The following CLNK variants were observed in gnomAD, a reference collection of about 807,000 sequenced individuals.
CLNK encodes the protein cytokine-dependent hematopoietic cell linker.
Under a neutral mutation model 68.6 loss-of-function variants are expected in CLNK, and 74 were observed. That is an observed-to-expected ratio of 1.08 (90% confidence interval 0.89 to 1.31). CLNK has a LOEUF of 1.31. CLNK is among the 50% of genes most tolerant of loss of function. The pLI is 0.00. For missense variants in CLNK, 553 were observed against 515.3 expected, an observed-to-expected ratio of 1.07 and a Z score of -0.71; for synonymous variants, 198 against 172.2, an observed-to-expected ratio of 1.15 and a Z score of -1.17.
chr4:10,641,003 A>G (rs905297625), intron 2 of CLNK, among the ~76,000 whole-genome samples: 1 of 152,230 alleles, frequency 6.6e-6, no homozygotes, highest in Non-Finnish European at 1.5e-5. Flanking sequence ...ACCGCTGAGC[A>G]TGTCAGGGCT....
intron 16 of CLNK, among the ~76,000 whole-genome samples, chr4:10,509,039 G>A (rs966602021): frequency 1.1e-4 from 17 of 150,944 alleles, no homozygotes; most frequent in South Asian, 2.1e-4. Flanking sequence ...CCTGGGAGGC[G>A]GCGGTTGCAG....
At chr4:10,539,696 T>C (rs946929230) in intron 11 of CLNK, among the ~76,000 whole-genome samples, 2 of 152,232 alleles carry the variant, frequency 1.3e-5, no homozygotes, top group Non-Finnish European at 2.9e-5. Flanking sequence ...CCATCATCAG[T>C]ACTTAATATC....
intron 2 of CLNK, among the ~76,000 whole-genome samples, chr4:10,640,365 C>A (rs1723264612): frequency 6.6e-6 from 1 of 152,156 alleles, no homozygotes; most frequent in Middle Eastern, 3.2e-3. Flanking sequence ...GGGGTTTCGC[C>A]ATTTTGGCCA....
the CLNK span, among the ~76,000 whole-genome samples, chr4:10,712,869 G>A: frequency 4.6e-5 from 7 of 152,310 alleles, 1 homozygote; most frequent in African/African-American, 1.7e-4. Context: ...CCATACCAAG[G>A]AAAGAGGTGA....
chr4:10,710,171 C>T, the CLNK span, among the ~76,000 whole-genome samples: 1 of 152,054 alleles, frequency 6.6e-6, no homozygotes, highest in Admixed American at 6.5e-5. Flanking sequence ...CCAGGTTGCC[C>T]TCTCTGTGGG....
chr4:10,544,229 G>A (rs12508896), intron 8 of CLNK, among the ~76,000 whole-genome samples: 114,190 of 152,058 alleles, frequency 0.75, 43,108 homozygotes, highest in African/African-American at 0.78. Flanking sequence ...AATTCCCTTT[G>A]TGGTTTTCAA....
At chr4:10,636,623 G>T (rs1723101958) in intron 2 of CLNK, among the ~76,000 whole-genome samples, 1 of 152,168 alleles carries the variant, frequency 6.6e-6, no homozygotes, top group Non-Finnish European at 1.5e-5. Context: ...GAGGAGGGAA[G>T]GAGGGTGTAG....
intron 14 of CLNK, among the ~76,000 whole-genome samples, chr4:10,524,254 G>A (rs1357977409): frequency 6.6e-6 from 1 of 152,132 alleles, no homozygotes; most frequent in African/African-American, 2.4e-5. Context: ...TACTGAAGGT[G>A]CCAAATGGGA....
the CLNK span, among the ~76,000 whole-genome samples, chr4:10,732,787 G>A: frequency 1.3e-5 from 2 of 151,642 alleles, no homozygotes; most frequent in African/African-American, 4.8e-5. Flanking sequence ...TGAGTCAGGT[G>A]TTTTTTCTCT....
chr4:10,699,496 A>ATT, the CLNK span, among the ~76,000 whole-genome samples: 1 of 19,566 alleles, frequency 5.1e-5, no homozygotes, highest in Non-Finnish European at 1.1e-4. Flanking sequence ...CTCTCTCTCT[A>ATT]TATATATATA....
intron 10 of CLNK, among the ~76,000 whole-genome samples, chr4:10,541,306 C>T (rs1719014827): frequency 6.6e-6 from 1 of 151,352 alleles, no homozygotes; most frequent in Admixed American, 6.6e-5. Context: ...TTCACCCATT[C>T]ACTCATTTAT....
chr4:10,515,530 CT>C (rs1299922724), intron 15 of CLNK, among the ~76,000 whole-genome samples: 1 of 151,870 alleles, frequency 6.6e-6, no homozygotes, highest in African/African-American at 2.4e-5. Context: ...TGACAAACTA[CT>C]GTTATTCCGA....
chr4:10,673,846 C>T (rs1040120897), intron 1 of CLNK, among the ~76,000 whole-genome samples: 18 of 152,286 alleles, frequency 1.2e-4, no homozygotes, highest in African/African-American at 4.3e-4. Flanking sequence ...AGATCTGACC[C>T]AGATCAAAGA....
At chr4:10,635,772 G>T (rs998166711) in intron 2 of CLNK, 6 of 152,196 alleles carry the variant, frequency 3.9e-5, no homozygotes, top group Non-Finnish European at 8.8e-5. Context: ...TTATAGGTTA[G>T]ATACCTTGTC....
chr4:10,655,328 CAAAGACAGAGAGAGAG>C (rs1560264933), intron 2 of CLNK, among the ~76,000 whole-genome samples: 3 of 87,558 alleles, frequency 3.4e-5, no homozygotes, highest in African/African-American at 1.4e-4. Context: ...CTAAAACCCC[CAAAGACAGAGAGAGAG>C]AGAGAGAGAG....
intron 2 of CLNK, among the ~76,000 whole-genome samples, chr4:10,663,439 G>T (rs574784264): frequency 6.6e-5 from 10 of 152,258 alleles, no homozygotes; most frequent in Admixed American, 4.6e-4. Context: ...TTTGAGGGCA[G>T]GGACTAGATC....
intron 3 of CLNK, among the ~76,000 whole-genome samples, chr4:10,595,063 A>C (rs1721332958): frequency 6.6e-6 from 1 of 152,164 alleles, no homozygotes; most frequent in South Asian, 2.1e-4. Context: ...CCTGGGCAAC[A>C]AGAGTGAAAC....
chr4:10,658,384 C>T (rs1446104346), intron 2 of CLNK, among the ~76,000 whole-genome samples: 8 of 152,224 alleles, frequency 5.3e-5, no homozygotes, highest in Non-Finnish European at 1.5e-5. Context: ...AGTATCTGTT[C>T]CAGTCATCTG....
chr4:10,677,293 AT>A (rs1165210197), intron 1 of CLNK, among the ~76,000 whole-genome samples: 1 of 152,012 alleles, frequency 6.6e-6, no homozygotes, highest in South Asian at 2.1e-4. Flanking sequence ...AAACACTGTA[AT>A]TTTTTTCAAC....
Sources: gnomAD v4.1 joint callset for allele counts (sites outside exome capture counted in the v4.1 genomes callset) on GRCh38, gnomAD v4.1.1 for gene constraint, MANE v1.5 for transcripts, NCBI Gene and HGNC (gene_info 2026-07-23, HGNC 2026-07-21) for gene names.